FBXO11: variants seen among roughly 807,000 people sequenced by gnomAD.
FBXO11 encodes the protein F-box only protein 11.
In FBXO11, 13 loss-of-function variants were observed where a neutral mutation model predicts 117.0. The ratio of observed to expected loss-of-function variants is 0.11; its 90% CI spans 0.07 to 0.18. The LOEUF (loss-of-function observed/expected upper bound fraction) is 0.18, where lower values mean the gene tolerates loss of function less well. Among genes scored for constraint, FBXO11 ranks in the 10% least tolerant of loss-of-function variants. FBXO11 has a pLI of 1.00. For missense variants in FBXO11, 767 were observed against 1,164.4 expected (o/e 0.66, Z 4.97); for synonymous variants, 490 against 380.5 (o/e 1.29, Z -3.35).
intron 1 of FBXO11, among the ~76,000 whole-genome samples, chr2:47,867,953 A>T (rs1164162562): frequency 6.6e-5 from 10 of 152,106 alleles, no homozygotes; most frequent in Admixed American, 6.5e-4. Context: ...AATATGGGCC[A>T]AACAGTTAGC....
At chr2:47,850,398 T>A (rs963737877) in intron 1 of FBXO11, among the ~76,000 whole-genome samples, 1 of 152,106 alleles carries the variant, frequency 6.6e-6, no homozygotes, top group Non-Finnish European at 1.5e-5. Context: ...TGGACATAAA[T>A]AAGAGAATTT....
intron 1 of FBXO11, among the ~76,000 whole-genome samples, chr2:47,844,126 C>CATCT (rs1239714775): frequency 6.6e-6 from 1 of 152,156 alleles, no homozygotes; most frequent in African/African-American, 2.4e-5. Flanking sequence ...TAATTTAACC[C>CATCT]ATCTACTGCC....
intron 1 of FBXO11, among the ~76,000 whole-genome samples, chr2:47,886,845 G>GCA (rs1156650390): frequency 6.6e-6 from 1 of 152,074 alleles, no homozygotes; most frequent in East Asian, 1.9e-4. Context: ...AAAAGCCTGT[G>GCA]CAACACAATG....
chr2:47,861,877 AAC>A (rs994540995), intron 1 of FBXO11, among the ~76,000 whole-genome samples: 3 of 152,070 alleles, frequency 2.0e-5, no homozygotes, highest in African/African-American at 7.2e-5. Context: ...CAGAAAATCA[AAC>A]ACAAAACTTC....
intron 1 of FBXO11, among the ~76,000 whole-genome samples, chr2:47,840,128 A>G (rs139547421): frequency 0.073 from 11,057 of 152,000 alleles, 568 homozygotes; most frequent in Non-Finnish European, 0.11. Context: ...TATTTTTAGT[A>G]AAGATGGGGT....
chr2:47,886,909 C>T (rs899145234), intron 1 of FBXO11, among the ~76,000 whole-genome samples: 6 of 152,176 alleles, frequency 3.9e-5, no homozygotes. Flanking sequence ...CATAGTGGCA[C>T]ATGCCTGTGG....
Position 47,905,526 on chromosome 2 carries a change from C to A in FBXO11, c.195G>T (p.Pro65=), listed in dbSNP as rs1031760510. ...CGTTGTTCCGCTCCTGAGGCAGCGG[C>A]GGAGGCGGCGGTGGCGGCGGCGGAG... is the stretch of plus-strand genomic sequence containing the variant. ...QQPPPPPPPP[P]PLPQERNNVG... is the part of the protein sequence containing the mutation. Residue 65 remains proline, a synonymous_variant, in exon 1 of 23, where the codon CCG becomes CCT. Transcript: ENST00000403359. 4.9e-6 allele frequency: 6 copies of A among 1,234,724 alleles called. No individual in the cohort carries two copies. In the African/African-American group the frequency reaches 6.3e-5, roughly 13 times the overall value. The allele number at this position is 1,234,724 out of a possible 1,614,324, so 76.5% of individuals were successfully genotyped here.
chr2:47,898,744 G>A (rs1156626958), intron 1 of FBXO11, among the ~76,000 whole-genome samples: 1 of 152,138 alleles, frequency 6.6e-6, no homozygotes, highest in Non-Finnish European at 1.5e-5. Context: ...CAATAGGACA[G>A]ATGGTATAGA....
chr2:47,905,623 GGCGGCGGCTGCT>G lies in FBXO11; in HGVS notation c.86_97del (p.Gln29_Pro32del), dbSNP rs1348767844. On this transcript the variant is annotated inframe_deletion, in exon 1 of 23. Coordinates refer to ENST00000403359, the MANE Select transcript of FBXO11 (RefSeq NM_001190274.2). ...GGGCGGCTGCTGCTGGGGCGGCTGC[GGCGGCGGCTGCT>G]GCGGGGGCTGCTGCTGCTGTTGCTG... The G allele has an allele frequency of 6.6e-6, 9 of 1,373,432 alleles. No homozygotes were observed. The highest frequency in any genetic ancestry group is 5.3e-4 in the Middle Eastern group (2 of 3,804). 85.1% of individuals were successfully genotyped at this position (1,373,432 alleles called of 1,614,324 possible).
At chr2:47,810,558 C>A in intron 18 of FBXO11, 132 bp from the exon 19 acceptor site, 1 of 554,582 alleles carries the variant, frequency 1.8e-6, no homozygotes, top group Non-Finnish European at 3.1e-6. Context: ...TTTTTTCAGC[C>A]AAAACAAGTT....
intron 1 of FBXO11, among the ~76,000 whole-genome samples, chr2:47,869,094 A>T (rs1675416468): frequency 1.3e-5 from 2 of 152,196 alleles, no homozygotes; most frequent in Non-Finnish European, 2.9e-5. Context: ...GTTCTGAATC[A>T]GTGTGCTATA....
intron 1 of FBXO11, among the ~76,000 whole-genome samples, chr2:47,849,782 G>A (rs764518424): frequency 2.6e-5 from 4 of 152,202 alleles, no homozygotes; most frequent in East Asian, 3.8e-4. Context: ...TGTGTGTGAA[G>A]ACCTGAAGGT....
At chr2:47,822,489 A>G (rs895011263) in intron 12 of FBXO11, among the ~76,000 whole-genome samples, 186 bp from the exon 13 acceptor site, 2 of 152,250 alleles carry the variant, frequency 1.3e-5, no homozygotes, top group African/African-American at 2.4e-5. Context: ...GAACATATGT[A>G]GCATTCTTAA....
Position 47,833,038 on chromosome 2 carries a change from C to G in FBXO11, c.967G>C (p.Glu323Gln). 1 of 1,613,482 alleles carries G rather than the reference C, an allele frequency of 6.2e-7. No individual in the cohort carries two copies. ...PGKVADKVII[E>Q]NTRDSTFVFM... ...ACGAAGGTTGAATCTCTAGTGTTTT[C>G]AATTATAACTTTGTCTGCCACTTTC... The change falls in exon 8 of 23, where the codon GAA (glutamate) becomes CAA (glutamine). Residue 323 changes from glutamate (E) to glutamine (Q), a missense_variant. Glu to Gln is a conservative substitution (Grantham distance 29). Around this residue, in one of 10 missense-constraint regions of FBXO11, gnomAD observed 123 missense variants for 145.0 expected, o/e 0.85. Coordinates refer to ENST00000403359, the MANE Select transcript of FBXO11 (RefSeq NM_001190274.2).
chr2:47,839,525 T>G lies in FBXO11; in HGVS notation c.361-25A>C, dbSNP rs898434221. The G allele has an allele frequency of 1.9e-6, 3 of 1,610,508 alleles. No individual in the cohort carries two copies. The Admixed American group carries it at 5.1e-5, about 27-fold the overall frequency. ...CCTTCAAAAACAAAACAGAAACTAG[T>G]AAAGCAAATATTCTTATCATCCATA... On this transcript the variant is annotated intron_variant, in intron 2 of 22. Transcript: ENST00000403359.
intron 1 of FBXO11, among the ~76,000 whole-genome samples, chr2:47,898,617 G>C (rs1051479540): frequency 1.3e-5 from 2 of 152,150 alleles, no homozygotes; most frequent in Admixed American, 1.3e-4. Flanking sequence ...TCAATCAGTA[G>C]AGTCTCATCT....
intron 4 of FBXO11, among the ~76,000 whole-genome samples, chr2:47,837,843 G>A (rs2104847445): frequency 6.6e-6 from 1 of 152,154 alleles, no homozygotes; most frequent in East Asian, 1.9e-4. Context: ...TGATCCTCCT[G>A]CCTCAGCCTC....
At chr2:47,868,921 A>C (rs770753845) in intron 1 of FBXO11, among the ~76,000 whole-genome samples, 5 of 152,210 alleles carry the variant, frequency 3.3e-5, no homozygotes, top group Non-Finnish European at 5.9e-5. Context: ...AAAGGCAGCA[A>C]TGGGCCCATG....
intron 11 of FBXO11, among the ~76,000 whole-genome samples, chr2:47,829,582 G>A (rs1053889824): frequency 6.6e-6 from 1 of 152,086 alleles, no homozygotes; most frequent in Non-Finnish European, 1.5e-5. Flanking sequence ...TAACAACTCT[G>A]CACTGAACTG....
Sources: allele counts gnomAD v4.1 joint callset (sites outside exome capture counted in the v4.1 genomes callset), GRCh38; gene constraint gnomAD v4.1.1; regional missense constraint gnomAD v4.1.1; transcripts MANE v1.5; gene names NCBI Gene and HGNC (gene_info 2026-07-23, HGNC 2026-07-21).